Variants in FRMPD4 observed in about 807,000 individuals in gnomAD.
FRMPD4 encodes FERM and PDZ domain containing 4, also known as FERM and PDZ domain-containing protein 4.
FRMPD4 carries 22 observed loss-of-function variants against 94.1 expected under a neutral mutation model. The ratio of observed to expected loss-of-function variants is 0.23; its 90% CI spans 0.17 to 0.33. The LOEUF is 0.33. FRMPD4 is among the 10% of genes least tolerant of loss of function. The probability of loss-of-function intolerance (pLI) is 1.00; values close to 1 mark genes in which losing one functional copy is unlikely to be tolerated. For missense variants in FRMPD4, 1,111 were observed against 1,339.9 expected, an observed-to-expected ratio of 0.83 and a Z score of 2.67; for synonymous variants, 631 against 548.6, an observed-to-expected ratio of 1.15 and a Z score of -2.10.
chrX:12,593,769 A>C (rs766319833), intron 2 of FRMPD4, among the ~76,000 whole-genome samples: 1 of 111,446 alleles, frequency 9.0e-6, no homozygotes, highest in East Asian at 2.8e-4. Context: ...GAAGTGCTGC[A>C]GTACACAATC....
intron 4 of FRMPD4, among the ~76,000 whole-genome samples, chrX:12,640,653 TG>T (rs916488069): frequency 1.8e-5 from 2 of 112,235 alleles, no homozygotes; most frequent in Non-Finnish European, 3.8e-5. Flanking sequence ...CAATATGTTT[TG>T]GTAGAGGGAA....
intron 3 of FRMPD4, among the ~76,000 whole-genome samples, chrX:12,051,541 T>C (rs938625258): frequency 8.9e-6 from 1 of 112,217 alleles, no homozygotes; most frequent in Non-Finnish European, 1.9e-5. Flanking sequence ...CTGTTTTAGC[T>C]TGAACTTACT....
chrX:12,237,860 T>A (rs1302733161), intron 1 of FRMPD4, among the ~76,000 whole-genome samples: 1 of 112,693 alleles, frequency 8.9e-6, no homozygotes, highest in Non-Finnish European at 1.9e-5. Flanking sequence ...AAAAATGGTT[T>A]AAGAAGCGAA....
chrX:12,463,115 C>G (rs748481475), intron 1 of FRMPD4, among the ~76,000 whole-genome samples: 51 of 112,075 alleles, frequency 4.6e-4, no homozygotes, highest in African/African-American at 1.6e-3. Flanking sequence ...CCCAAAGTAC[C>G]CTTTATGAAG....
At chrX:12,320,061 G>C (rs1290613311) in intron 1 of FRMPD4, among the ~76,000 whole-genome samples, 1 of 111,784 alleles carries the variant, frequency 8.9e-6, no homozygotes, top group Non-Finnish European at 1.9e-5. Flanking sequence ...ACTGTTTAGA[G>C]AACCTTTATC....
At chrX:11,894,404 T>A (rs2053891301) in intron 3 of FRMPD4, among the ~76,000 whole-genome samples, 1 of 112,518 alleles carries the variant, frequency 8.9e-6, no homozygotes, top group East Asian at 2.8e-4. Flanking sequence ...CAAATAGGGC[T>A]CTTGATTGTT....
intron 1 of FRMPD4, among the ~76,000 whole-genome samples, chrX:12,344,762 T>C (rs920351803): frequency 1.3e-4 from 14 of 111,911 alleles, no homozygotes; most frequent in African/African-American, 4.6e-4. Context: ...GTTCCTGGCT[T>C]TTCGTTGTTG....
intron 1 of FRMPD4, among the ~76,000 whole-genome samples, chrX:12,140,820 G>A (rs2055679244): frequency 8.9e-6 from 1 of 111,831 alleles, no homozygotes. Context: ...CAAGGCTGTG[G>A]GGAGAGTGGT....
At chrX:12,696,586 C>CAAAAAAAAAAAAAAAAAAAAAGAAAA (rs57877846) in intron 9 of FRMPD4, among the ~76,000 whole-genome samples, 2 of 30,063 alleles carry the variant, frequency 6.7e-5, no homozygotes, top group African/African-American at 1.1e-4. Flanking sequence ...AAAAATGAAG[C>CAAAAAAAAAAAAAAAAAAAAAGAAAA]AAAAAAAAAA....
chrX:11,899,383 CTT>C (rs36015171), intron 3 of FRMPD4, among the ~76,000 whole-genome samples: 317 of 82,656 alleles, frequency 3.8e-3, no homozygotes, highest in African/African-American at 6.3e-3. Context: ...GTGATGTTGA[CTT>C]TTTTTTTTTT....
At chrX:12,513,616 G>A (rs193226773) in intron 2 of FRMPD4, among the ~76,000 whole-genome samples, 77 of 111,977 alleles carry the variant, frequency 6.9e-4, no homozygotes, top group Non-Finnish European at 1.2e-3. Context: ...TTTGGTTACC[G>A]TAGCCTTACA....
intron 1 of FRMPD4, among the ~76,000 whole-genome samples, chrX:12,332,039 T>C (rs1179166411): frequency 2.8e-5 from 2 of 72,333 alleles, no homozygotes; most frequent in Non-Finnish European, 4.6e-5. Context: ...TATATTTATA[T>C]ACTATATATA....
rs761081337 is a variant in FRMPD4, at chrX:12,390,218, A to G, written c.42-108462A>G. 2.7e-5 allele frequency among the ~76,000 whole-genome samples: 3 copies of G among 112,441 alleles called. No individual in the cohort carries two copies. In the South Asian group the frequency reaches 1.1e-3, roughly 42 times the overall value. On this transcript the variant is annotated intron_variant, in intron 1 of 16. Transcript: ENST00000675598. ...GGTTTTATTTTCAGTCTGAGGAGAG[A>G]ACTTGTCAATGGCATAAAAGAGAGA...
At position 11,929,536 on chromosome X, in the gene FRMPD4, G is replaced by A. The variant is rs1010091358; in HGVS notation, c.95+51518G>A. Among the ~76,000 whole-genome samples the A allele has an allele frequency of 5.3e-5, 6 of 112,175 alleles. No homozygotes were observed. The Admixed American group carries it at 5.6e-4, about 11-fold the overall frequency. On this transcript the variant is annotated intron_variant, in intron 3 of 18. Transcript: ENST00000640291. ...TTTGTGAGCCCCAAAAGAATAAAATGTCAATGATCTTCCTGACAGATGGAG... is the reference window on the plus strand; with the variant it reads ...TTTGTGAGCCCCAAAAGAATAAAATATCAATGATCTTCCTGACAGATGGAG...
intron 3 of FRMPD4, among the ~76,000 whole-genome samples, chrX:11,956,927 G>T (rs936356643): frequency 8.9e-6 from 1 of 111,905 alleles, no homozygotes; most frequent in Non-Finnish European, 1.9e-5. Context: ...ATACTCACAA[G>T]AGGCTGGCTT....
At chrX:12,542,820 G>T (rs367749482) in intron 2 of FRMPD4, among the ~76,000 whole-genome samples, 1 of 111,439 alleles carries the variant, frequency 9.0e-6, no homozygotes, top group African/African-American at 3.3e-5. Flanking sequence ...GAGGCATCAC[G>T]CTACCTGACT....
intron 2 of FRMPD4, among the ~76,000 whole-genome samples, chrX:11,868,551 T>C (rs2053736448): frequency 1.2e-5 from 1 of 80,977 alleles, no homozygotes; most frequent in Non-Finnish European, 2.5e-5. Context: ...GATGTATTCT[T>C]GAGACACAAT....
chrX:12,657,812 T>C (rs1447038001), intron 4 of FRMPD4, among the ~76,000 whole-genome samples: 1 of 112,602 alleles, frequency 8.9e-6, no homozygotes, highest in African/African-American at 3.2e-5. Flanking sequence ...GGCCTTCAGA[T>C]AGACTTTACT....
In FRMPD4 at chrX:12,716,258, C is replaced by T; in HGVS notation, c.1799C>T (p.Ala600Val). The T allele has an allele frequency of 8.3e-7, 1 of 1,210,026 alleles. No individual in the cohort carries two copies. The highest frequency in any genetic ancestry group is 1.1e-6 in the Non-Finnish European group (1 of 893,984). ...CACCGGCACTTGTACATAGACAATGCCTATAGTTCAGATGGACTTAACCAG... is the reference window on the plus strand; with the variant it reads ...CACCGGCACTTGTACATAGACAATGTCTATAGTTCAGATGGACTTAACCAG... Reference protein sequence around the residue: ...KEHRHLYIDNAYSSDGLNQQL... With the variant: ...KEHRHLYIDNVYSSDGLNQQL... The change falls in exon 15 of 17, where the codon GCC becomes GTC. Residue 600 changes from alanine to valine, a missense_variant. This residue lies in a region of FRMPD4 where 192 missense variants were observed against 192.5 expected (regional missense o/e 1.00). Coordinates refer to ENST00000675598, the MANE Select transcript of FRMPD4 (RefSeq NM_001368397.1).
Sources: allele counts gnomAD v4.1 joint callset (sites outside exome capture counted in the v4.1 genomes callset), GRCh38; gene constraint gnomAD v4.1.1; regional missense constraint gnomAD v4.1.1; transcripts MANE v1.5; gene names NCBI Gene and HGNC (gene_info 2026-07-23, HGNC 2026-07-21).